Variants in TAF4 observed in about 807,000 individuals in gnomAD.
TAF4 encodes the protein TATA-box binding protein associated factor 4, also known as transcription initiation factor TFIID subunit 4.
In TAF4, 9 loss-of-function variants were observed where a neutral mutation model predicts 90.3. The observed-to-expected ratio is 0.10, with a 90% CI of 0.06 to 0.17. The LOEUF is 0.17. Ranked by LOEUF, TAF4 falls within the 10% of genes least tolerant of loss-of-function variation. TAF4 has a pLI of 1.00. For synonymous variants in TAF4, 818 were observed against 638.9 expected (o/e 1.28, Z -4.23); for missense variants, 1,351 against 1,370.7 (o/e 0.99, Z 0.23).
At chr20:62,032,746 T>C (rs1427728075) in intron 1 of TAF4, among the ~76,000 whole-genome samples, 3 of 152,116 alleles carry the variant, frequency 2.0e-5, no homozygotes, top group Non-Finnish European at 4.4e-5. Context: ...ACCTCACTTA[T>C]CAGAACACAT....
intron 10 of TAF4, 127 bp downstream of exon 10, chr20:62,000,425 G>T: frequency 1.4e-6 from 2 of 1,406,744 alleles, no homozygotes; most frequent in Non-Finnish European, 9.6e-7. Flanking sequence ...ACCACCACCA[G>T]CAACCATGTG....
intron 1 of TAF4, among the ~76,000 whole-genome samples, chr20:62,057,048 C>T (rs1261397748): frequency 6.6e-6 from 1 of 152,216 alleles, no homozygotes; most frequent in Non-Finnish European, 1.5e-5. Context: ...CCACGCTCCT[C>T]CGCAGAAGAC....
chr20:62,065,640 C>A lies in TAF4; in HGVS notation c.171G>T (p.Ala57=), dbSNP rs1441807732. 21 of 1,052,784 alleles carry A rather than the reference C, an allele frequency of 2.0e-5. No individual in the cohort carries two copies. The South Asian group carries it at 3.8e-4, about 19-fold the overall frequency. The allele number at this position is 1,052,784 out of a possible 1,614,324, so 65.2% of individuals were successfully genotyped here. ...TGCCGCTCACAACATGGTTCCCGAG[C>A]GCGCCGGCGGCCGCGGCCCGCACCT... ...TPEVRAAAAG[A]LGNHVVSGSP... is the part of the protein sequence containing the mutation. Residue 57 remains alanine (A), a synonymous_variant, in exon 1 of 15, where the codon GCG becomes GCT. Coordinates refer to ENST00000252996, the MANE Select transcript of TAF4 (RefSeq NM_003185.4).
At chr20:61,985,285 G>A (rs2055580937) in intron 14 of TAF4, among the ~76,000 whole-genome samples, 1 of 151,914 alleles carries the variant, frequency 6.6e-6, no homozygotes, top group Non-Finnish European at 1.5e-5. Flanking sequence ...CACACTGAAG[G>A]GTGGGCAGGA....
intron 14 of TAF4, among the ~76,000 whole-genome samples, chr20:61,995,240 G>A (rs1477464151): frequency 2.0e-5 from 3 of 152,188 alleles, no homozygotes; most frequent in Admixed American, 1.3e-4. Context: ...ATGTGAGATG[G>A]CCCAGGTGTT....
chr20:61,983,934 G>A (rs955782567), intron 14 of TAF4, among the ~76,000 whole-genome samples: 1 of 152,182 alleles, frequency 6.6e-6, no homozygotes, highest in Non-Finnish European at 1.5e-5. Context: ...GACAAAGACA[G>A]ATACTTTCTA....
At chr20:62,021,401 G>A (rs1484191257) in intron 1 of TAF4, among the ~76,000 whole-genome samples, 1 of 152,230 alleles carries the variant, frequency 6.6e-6, no homozygotes, top group Non-Finnish European at 1.5e-5. Context: ...CGCTGGGGCT[G>A]GCCACAGGGC....
At chr20:62,060,006 T>A (rs959785192) in intron 1 of TAF4, among the ~76,000 whole-genome samples, 1 of 152,236 alleles carries the variant, frequency 6.6e-6, no homozygotes, top group African/African-American at 2.4e-5. Context: ...TCCATTCCAC[T>A]CTGATTTCGG....
chr20:62,012,683 C>T, intron 3 of TAF4, 132 bp downstream of exon 3: 2 of 1,255,806 alleles, frequency 1.6e-6, no homozygotes, highest in East Asian at 5.5e-5. Flanking sequence ...TCACAGAGAA[C>T]CTTCCTCCCC....
At chr20:61,991,779 G>A (rs577766877) in intron 14 of TAF4, among the ~76,000 whole-genome samples, 39 of 152,008 alleles carry the variant, frequency 2.6e-4, no homozygotes, top group Non-Finnish European at 5.6e-4. Context: ...GACTTGAACC[G>A]CACTGAAAGA....
Position 62,065,229 on chromosome 20 carries a change from G to C in TAF4, c.582C>G (p.Ala194=). 1 of 1,125,542 alleles carries C rather than the reference G, an allele frequency of 8.9e-7. No individual in the cohort carries two copies. The highest frequency in any genetic ancestry group is 1.1e-6 in the Non-Finnish European group (1 of 903,832). The allele number at this position is 1,125,542 out of a possible 1,614,324, so 69.7% of individuals were successfully genotyped here. The change falls in exon 1 of 15, where the codon GCC becomes GCG. Residue 194 remains alanine (A), a synonymous_variant. Coordinates refer to ENST00000252996, the MANE Select transcript of TAF4 (RefSeq NM_003185.4). ...PGPGKPAGPG[A]AQTLNGSAAL... is the part of the protein sequence containing the mutation. ...CGGCGCTCCCATTCAAAGTTTGCGC[G>C]GCGCCGGGGCCGGCGGGCTTGCCAG...
In TAF4 at chr20:61,975,254, T is replaced by G. The variant is rs1226612915; in HGVS notation, c.*914A>C. 2.6e-5 allele frequency: 4 copies of G among 152,468 alleles called. No individual in the cohort carries two copies. The highest frequency in any genetic ancestry group is 4.4e-5 in the Non-Finnish European group (3 of 68,044). 9.4% of individuals were successfully genotyped at this position (152,468 alleles called of 1,614,324 possible). A position where few individuals can be genotyped will look rare whatever the true frequency, so the allele number is the denominator to read the frequency against. On this transcript the variant is annotated 3_prime_UTR_variant, in exon 15 of 15. Transcript: ENST00000252996. ...GTCTCTTAGCAAAATAATTATAGTTTACATAGCCATTTCTATGTCATGTGC... is the reference window on the plus strand; with the variant it reads ...GTCTCTTAGCAAAATAATTATAGTTGACATAGCCATTTCTATGTCATGTGC...
chr20:62,000,341 C>T, intron 10 of TAF4, 87 bp from the exon 11 acceptor site: 1 of 1,543,234 alleles, frequency 6.5e-7, no homozygotes, highest in Non-Finnish European at 8.8e-7. Flanking sequence ...GCAGTTACTG[C>T]TTTTATACAA....
In TAF4 at chr20:62,065,309, C is replaced by G. The variant is rs985934644; in HGVS notation, c.502G>C (p.Ala168Pro). 2.2e-6 allele frequency: 2 copies of G among 903,938 alleles called. No homozygotes were observed. Among genetic ancestry groups the G allele is most frequent in the African/African-American group, 2.0e-5 (1 of 48,996 alleles). 56.0% of individuals were successfully genotyped at this position (903,938 alleles called of 1,614,324 possible). A position where few individuals can be genotyped will look rare whatever the true frequency, so the allele number is the denominator to read the frequency against. Residue 168 changes from alanine (A) to proline (P), a missense_variant, in exon 1 of 15, where the codon GCC becomes CCC. This residue lies in a region of TAF4 where 782 missense variants were observed against 536.6 expected (regional missense o/e 1.46). Transcript: ENST00000252996. ...AKPAGPAALA[A>P]RAGPGPGPGP... The stretch of plus-strand genomic sequence containing the variant: ...GGCCCGGGGCCGGGGCCGGCGCGGG[C>G]GGCCAGCGCGGCGGGGCCGGCGGGC...
At chr20:62,017,482 CAAAAAAAAA>C (rs66697524) in intron 1 of TAF4, among the ~76,000 whole-genome samples, 1 of 128,038 alleles carries the variant, frequency 7.8e-6, no homozygotes, top group Non-Finnish European at 1.7e-5. Flanking sequence ...ACTAAAAATA[CAAAAAAAAA>C]AAAAAATTAG....
intron 1 of TAF4, among the ~76,000 whole-genome samples, chr20:62,042,142 T>A (rs1260727987): frequency 2.0e-5 from 3 of 152,032 alleles, no homozygotes; most frequent in African/African-American, 7.3e-5. Flanking sequence ...CCCTATCTGG[T>A]GCCCATATAA....
intron 14 of TAF4, among the ~76,000 whole-genome samples, chr20:61,986,775 ATAAG>A (rs1360092979): frequency 2.6e-5 from 4 of 152,294 alleles, no homozygotes; most frequent in South Asian, 2.1e-4. Flanking sequence ...CCATGCTAAT[ATAAG>A]TAAGTAACTG....
intron 1 of TAF4, among the ~76,000 whole-genome samples, chr20:62,041,159 G>A (rs1045793222): frequency 3.9e-5 from 6 of 152,224 alleles, no homozygotes; most frequent in South Asian, 4.1e-4. Flanking sequence ...ACACCTTCCC[G>A]TCCAGGGCTG....
intron 14 of TAF4, among the ~76,000 whole-genome samples, chr20:61,986,179 T>A (rs878928093): frequency 1.5e-5 from 1 of 65,164 alleles, no homozygotes; most frequent in Admixed American, 1.7e-4. Flanking sequence ...CCATCCCCCA[T>A]CAAAGGAAAC....
Sources: gnomAD v4.1 joint callset for allele counts (sites outside exome capture counted in the v4.1 genomes callset) on GRCh38, gnomAD v4.1.1 for gene constraint, gnomAD v4.1.1 regional missense constraint, MANE v1.5 for transcripts, NCBI Gene and HGNC (gene_info 2026-07-23, HGNC 2026-07-21) for gene names.